NRG1: variants seen among roughly 807,000 people sequenced by gnomAD.
NRG1 encodes the protein neuregulin 1, also known as pro-neuregulin-1, membrane-bound isoform.
A neutral mutation model predicts 63.8 loss-of-function variants in NRG1; 18 were observed. That is an observed-to-expected ratio of 0.28 (90% CI 0.19 to 0.42). NRG1 has a LOEUF of 0.42. Ranked by LOEUF, NRG1 falls within the 10% of genes least tolerant of loss-of-function variation. NRG1 has a pLI of 1.00. For synonymous variants in NRG1, 302 were observed against 301.3 expected (o/e 1.00, Z -0.02); for missense variants, 762 against 814.7 (o/e 0.94, Z 0.79).
At chr8:32,407,611 A>C (rs1814271670) in intron 1 of NRG1, among the ~76,000 whole-genome samples, 1 of 152,066 alleles carries the variant, frequency 6.6e-6, no homozygotes, top group East Asian at 1.9e-4. Flanking sequence ...CCAGAATAAA[A>C]GTGGACATGC....
downstream of NRG1, among the ~76,000 whole-genome samples, chr8:32,770,131 A>G (rs1451567120): frequency 3.3e-5 from 5 of 152,186 alleles, no homozygotes; most frequent in African/African-American, 1.2e-4. Context: ...ACCCCACAGG[A>G]TGCCAAAAAG....
At chr8:31,717,270 G>A (rs776123232) in intron 1 of NRG1, among the ~76,000 whole-genome samples, 1 of 151,906 alleles carries the variant, frequency 6.6e-6, no homozygotes, top group Non-Finnish European at 1.5e-5. Flanking sequence ...TGCTGAGTGT[G>A]ATGGTGCACA....
Position 32,592,956 on chromosome 8 carries a change from T to C in NRG1, c.101-2872T>C, listed in dbSNP as rs147595068. ...AGTTGATTAATAAATATTTTTAACTTATATGTATTATATATGGTATTCTTA... is the reference window on the plus strand; with the variant it reads ...AGTTGATTAATAAATATTTTTAACTCATATGTATTATATATGGTATTCTTA... On this transcript the variant is annotated intron_variant, in intron 1 of 11. Coordinates refer to ENST00000356819, the Ensembl canonical transcript of NRG1. Among the ~76,000 whole-genome samples the C allele has an allele frequency of 4.3e-3, 659 of 152,312 alleles. 1 individual carries two copies. Among genetic ancestry groups the C allele is most frequent in the African/African-American group, 0.015 (625 of 41,568 alleles).
intron 1 of NRG1, among the ~76,000 whole-genome samples, chr8:32,174,150 A>C (rs1840408079): frequency 6.6e-6 from 1 of 152,234 alleles, no homozygotes; most frequent in African/African-American, 2.4e-5. Context: ...CTCTCAGACC[A>C]CAGTGCAATC....
At chr8:32,224,204 G>T (rs1395961453) in intron 1 of NRG1, among the ~76,000 whole-genome samples, 3 of 152,152 alleles carry the variant, frequency 2.0e-5, no homozygotes, top group Admixed American at 6.5e-5. Flanking sequence ...TGTGTCTAAG[G>T]TCACCTCAGT....
chr8:32,182,877 A>T (rs1461203403), intron 1 of NRG1, among the ~76,000 whole-genome samples: 1 of 152,186 alleles, frequency 6.6e-6, no homozygotes, highest in Admixed American at 6.5e-5. Flanking sequence ...GAAGTAGGTC[A>T]TTCCTGCTTT....
chr8:31,885,713 T>C (rs1830667626), intron 1 of NRG1, among the ~76,000 whole-genome samples: 1 of 152,118 alleles, frequency 6.6e-6, no homozygotes, highest in East Asian at 1.9e-4. Context: ...TCCTGATTTT[T>C]TGCTAAATCC....
intron 1 of NRG1, among the ~76,000 whole-genome samples, chr8:32,320,078 G>T (rs560918162): frequency 6.6e-6 from 1 of 152,238 alleles, no homozygotes; most frequent in South Asian, 2.1e-4. Flanking sequence ...CTGTGAGCAA[G>T]TTATTTTAAA....
chr8:31,751,363 C>T (rs977029341), intron 1 of NRG1, among the ~76,000 whole-genome samples: 1 of 151,932 alleles, frequency 6.6e-6, no homozygotes, highest in Admixed American at 6.6e-5. Flanking sequence ...TATGAGTTAC[C>T]TGAGTAACAA....
intron 2 of NRG1, among the ~76,000 whole-genome samples, chr8:32,601,984 T>G (rs1844442264): frequency 6.6e-6 from 1 of 152,172 alleles, no homozygotes; most frequent in African/African-American, 2.4e-5. Context: ...TCAAGGGATA[T>G]CTCCTCTTGT....
Position 31,653,806 on chromosome 8 carries a change from A to G in NRG1, c.37+14375A>G, listed in dbSNP as rs1001080799. On this transcript the variant is annotated intron_variant, in intron 1 of 10. Transcript: ENST00000519301. ...TTTCATTTGATATCACTGAAAATGC[A>G]GAGGGTCAGGCCACATTCACTCTGT... Among the ~76,000 whole-genome samples, 15 of 152,356 alleles carry G rather than the reference A, an allele frequency of 9.8e-5. No individual in the cohort carries two copies. The East Asian group carries it at 2.7e-3, about 27-fold the overall frequency.
intron 1 of NRG1, among the ~76,000 whole-genome samples, chr8:31,730,949 G>A (rs1813979780): frequency 1.3e-5 from 2 of 152,058 alleles, no homozygotes; most frequent in Admixed American, 1.3e-4. Flanking sequence ...CAGCAGAATA[G>A]AAAAATGAGT....
At chr8:32,256,819 G>A (rs1849775150) in intron 1 of NRG1, among the ~76,000 whole-genome samples, 2 of 152,182 alleles carry the variant, frequency 1.3e-5, no homozygotes, top group African/African-American at 2.4e-5. Flanking sequence ...CACTGTGCTA[G>A]GAGTTCTGCT....
chr8:32,345,476 G>A (rs1804765559), intron 1 of NRG1, among the ~76,000 whole-genome samples: 1 of 152,168 alleles, frequency 6.6e-6, no homozygotes, highest in Admixed American at 6.5e-5. Context: ...GCTGTGCAGA[G>A]CAATTAGACA....
chr8:32,040,403 C>G (rs1586666832), intron 1 of NRG1, among the ~76,000 whole-genome samples: 1 of 151,924 alleles, frequency 6.6e-6, no homozygotes, highest in East Asian at 1.9e-4. Flanking sequence ...TCAAATGTTG[C>G]CAACTCATGA....
intron 1 of NRG1, among the ~76,000 whole-genome samples, chr8:32,399,243 A>G (rs905015452): frequency 6.6e-6 from 1 of 152,210 alleles, no homozygotes; most frequent in Non-Finnish European, 1.5e-5. Context: ...AAGAGTCTCA[A>G]ACTTCTGATA....
intron 1 of NRG1, among the ~76,000 whole-genome samples, chr8:31,762,991 C>T (rs1193087028): frequency 6.6e-6 from 1 of 151,902 alleles, no homozygotes. Context: ...GACAAATTTA[C>T]CAGGGAATGC....
exon 12 of NRG1, chr8:32,766,200 A>G (rs1456593687): frequency 6.6e-6 from 1 of 152,204 alleles, no homozygotes; most frequent in Non-Finnish European, 1.5e-5. Context: ...CAGGCTGGGC[A>G]TGAGTCATGT....
intron 9 of NRG1, among the ~76,000 whole-genome samples, chr8:32,757,334 A>G (rs1254003817): frequency 2.6e-5 from 4 of 152,068 alleles, no homozygotes; most frequent in African/African-American, 9.7e-5. Context: ...TTCCAGCATC[A>G]TCCTTCTTAT....
Sources: gnomAD v4.1 joint callset for allele counts (sites outside exome capture counted in the v4.1 genomes callset) on GRCh38, gnomAD v4.1.1 for gene constraint, MANE v1.5 for transcripts, NCBI Gene and HGNC (gene_info 2026-07-23, HGNC 2026-07-21) for gene names.